The following ZDHHC4 variants were observed in gnomAD, a reference collection of about 807,000 sequenced individuals.
ZDHHC4 encodes the protein zDHHC palmitoyltransferase 4.
A neutral mutation model predicts 36.7 loss-of-function variants in ZDHHC4; 42 were observed. The observed-to-expected ratio is 1.14, with a 90% CI of 0.89 to 1.48. The LOEUF (loss-of-function observed/expected upper bound fraction) is 1.48, where lower values mean the gene tolerates loss of function less well. ZDHHC4 is among the 40% of genes most tolerant of loss of function. The probability of loss-of-function intolerance (pLI) is 0.00; values close to 1 mark genes in which losing one functional copy is unlikely to be tolerated. For synonymous variants in ZDHHC4, 189 were observed against 166.6 expected (o/e 1.13, Z -1.03); for missense variants, 457 against 421.5 (o/e 1.08, Z -0.74).
At chr7:6,584,716 G>A (rs1439425668) in intron 6 of ZDHHC4, among the ~76,000 whole-genome samples, 1 of 152,080 alleles carries the variant, frequency 6.6e-6, no homozygotes, top group Non-Finnish European at 1.5e-5. Flanking sequence ...TCACTGCAGC[G>A]TTGACCTCCT....
At position 6,588,873 on chromosome 7, in the gene ZDHHC4, C is replaced by T. The variant is rs1400931594; in HGVS notation, c.998C>T (p.Pro333Leu). 1.9e-6 allele frequency: 3 copies of T among 1,610,422 alleles called. No homozygotes were observed. The highest frequency in any genetic ancestry group is 2.2e-5 in the East Asian group (1 of 44,716). The change falls in exon 8 of 8, where the codon CCT (proline) becomes CTT (leucine). Residue 333 changes from proline to leucine, a missense_variant. Physicochemically the swap from Pro to Leu is moderately conservative, Grantham distance 98. Coordinates refer to ENST00000335965, the MANE Select transcript of ZDHHC4 (RefSeq NM_001134389.2). The part of the protein sequence containing the change: ...LRSNLQEIFL[P>L]AFPCHERKKQ... Reference sequence around the variant, plus strand: ...AGCAACCTTCAAGAGATCTTTCTACCTGCCTTTCCATGTCATGAGAGGAAG... The same window carrying T: ...AGCAACCTTCAAGAGATCTTTCTACTTGCCTTTCCATGTCATGAGAGGAAG...
At chr7:6,586,279 C>T (rs1267599211) in intron 7 of ZDHHC4, among the ~76,000 whole-genome samples, 1 of 152,184 alleles carries the variant, frequency 6.6e-6, no homozygotes, top group Non-Finnish European at 1.5e-5. Context: ...AACATTTCAT[C>T]ATCCCCAAAA....
chr7:6,586,134 C>T (rs1370923232), intron 7 of ZDHHC4, among the ~76,000 whole-genome samples: 2 of 148,290 alleles, frequency 1.3e-5, no homozygotes, highest in Non-Finnish European at 3.0e-5. Flanking sequence ...GCCTGGGCAA[C>T]AAGAGCGAAA....
In ZDHHC4 at chr7:6,584,865, C is replaced by G. The variant is rs150436602; in HGVS notation, c.497-151C>G. 1,803 of 1,172,334 alleles carry G rather than the reference C, an allele frequency of 1.5e-3. 36 individuals are homozygous for G. In the Admixed American group the frequency reaches 0.031, roughly 20 times the overall value. 72.6% of individuals were successfully genotyped at this position (1,172,334 alleles called of 1,614,324 possible). A position where few individuals can be genotyped will look rare whatever the true frequency, so the allele number is the denominator to read the frequency against. On this transcript the variant is annotated intron_variant, in intron 6 of 7. Coordinates refer to ENST00000335965, the MANE Select transcript of ZDHHC4 (RefSeq NM_001134389.2). ...GGCTGGTTGCTCCTGTACTGGACAC[C>G]ACAGTTCCAAAAGCTTAGTTTGGAA...
Position 6,585,014 on chromosome 7 carries a change from A to T in ZDHHC4, c.497-2A>T. Reference sequence around the variant, plus strand: ...AGCACGTGCCCCCTTGTTTCTGTGCAGGTGTGTGTAACTGGTGTGTGCACC... The same window carrying T: ...AGCACGTGCCCCCTTGTTTCTGTGCTGGTGTGTGTAACTGGTGTGTGCACC... On this transcript the variant is annotated splice_acceptor_variant, in intron 6 of 7. Transcript: ENST00000335965. LOFTEE classifies it high-confidence loss of function. 1 of 1,614,090 alleles carries T rather than the reference A, an allele frequency of 6.2e-7. No homozygotes were observed. Among genetic ancestry groups the T allele is most frequent in the Non-Finnish European group, 8.5e-7 (1 of 1,179,972 alleles).
In ZDHHC4 at chr7:6,589,147, G is replaced by A; in HGVS notation, c.*237G>A. Reference sequence around the variant, plus strand: ...GGGATCAAGAGATGACTTCTCAGAGGTTCTAGGTGATGCTGAGACCTTGGT... The same window carrying A: ...GGGATCAAGAGATGACTTCTCAGAGATTCTAGGTGATGCTGAGACCTTGGT... On this transcript the variant is annotated 3_prime_UTR_variant, in exon 8 of 8. Transcript: ENST00000335965. 5.7e-6 allele frequency: 3 copies of A among 522,872 alleles called. No homozygotes were observed. The highest frequency in any genetic ancestry group is 1.0e-5 in the Non-Finnish European group (3 of 291,070). 32.4% of individuals were successfully genotyped at this position (522,872 alleles called of 1,614,324 possible).
chr7:6,584,392 A>G (rs1781079220), intron 6 of ZDHHC4: 1 of 152,296 alleles, frequency 6.6e-6, no homozygotes, highest in African/African-American at 2.4e-5. Context: ...GTTTTCCAAT[A>G]TCTGAATTCG....
chr7:6,581,763 C>T, intron 4 of ZDHHC4, 83 bp downstream of exon 4: 2 of 1,178,500 alleles, frequency 1.7e-6, no homozygotes, highest in Non-Finnish European at 2.4e-6. Context: ...TCAGGAAGCT[C>T]CTTGTGGTTT....
chr7:6,581,933 G>A, intron 4 of ZDHHC4, 140 bp from the exon 5 acceptor site: 8 of 912,050 alleles, frequency 8.8e-6, no homozygotes, highest in Non-Finnish European at 1.3e-5. Context: ...CATGCAAAAT[G>A]TTTCACATAG....
Position 6,582,159 on chromosome 7 carries a change from A to T in ZDHHC4, c.278A>T (p.Glu93Val). The T allele has an allele frequency of 6.2e-7, 1 of 1,614,182 alleles. No homozygotes were observed. The highest frequency in any genetic ancestry group is 8.5e-7 in the Non-Finnish European group (1 of 1,180,030). ...YTWEVFGYCQ[E>V]LELSLHYLLL... The stretch of plus-strand genomic sequence containing the variant: ...TGGGAAGTATTTGGCTACTGTCAGG[A>T]GCTGGAGTTGTCCTTGCATTACCTT... The change falls in exon 5 of 8, where the codon GAG (glutamate) becomes GTG (valine). Residue 93 changes from glutamate (E) to valine (V), a missense_variant. By Grantham distance (121) the Glu-to-Val change is moderately radical. Coordinates refer to ENST00000335965, the MANE Select transcript of ZDHHC4 (RefSeq NM_001134389.2).
chr7:6,585,762 C>T (rs1781199272), intron 7 of ZDHHC4, among the ~76,000 whole-genome samples: 2 of 152,036 alleles, frequency 1.3e-5, no homozygotes, highest in African/African-American at 2.4e-5. Flanking sequence ...GCTGAGATTG[C>T]ACCACTGCAC....
At chr7:6,584,557 T>C (rs1277480251) in intron 6 of ZDHHC4, among the ~76,000 whole-genome samples, 1 of 152,230 alleles carries the variant, frequency 6.6e-6, no homozygotes, top group Non-Finnish European at 1.5e-5. Context: ...TGCCTCCATA[T>C]TCACACTGAA....
chr7:6,586,143 AAG>A, intron 7 of ZDHHC4, among the ~76,000 whole-genome samples: 1 of 152,176 alleles, frequency 6.6e-6, no homozygotes, highest in Middle Eastern at 3.4e-3. Flanking sequence ...ACAAGAGCGA[AAG>A]AGAGAAACTC....
At chr7:6,584,343 A>G (rs530242254) in intron 6 of ZDHHC4, 129 of 152,362 alleles carry the variant, frequency 8.5e-4, no homozygotes, top group African/African-American at 2.5e-3. Context: ...TTGAAAAAGT[A>G]GGCTTACATG....
intron 5 of ZDHHC4, among the ~76,000 whole-genome samples, chr7:6,582,912 A>G (rs1271774173): frequency 6.6e-6 from 1 of 152,102 alleles, no homozygotes; most frequent in East Asian, 1.9e-4. Context: ...GGTGGCTCAC[A>G]CAATCTCAGC....
chr7:6,579,387 G>C (rs62441299), intron 2 of ZDHHC4, among the ~76,000 whole-genome samples: 2,224 of 151,970 alleles, frequency 0.015, 50 homozygotes, highest in Non-Finnish European at 0.014. Flanking sequence ...TTTTAGTATA[G>C]ATGGGGATTA....
chr7:6,581,749 A>G, intron 4 of ZDHHC4, 69 bp downstream of exon 4: 1 of 1,257,866 alleles, frequency 7.9e-7, no homozygotes, highest in Non-Finnish European at 1.1e-6. Context: ...GAGATCCTCT[A>G]GCTTCAGGAA....
chr7:6,583,496 G>C lies in ZDHHC4; in HGVS notation c.496+65G>C, dbSNP rs553314317. On this transcript the variant is annotated intron_variant, in intron 6 of 7. Transcript: ENST00000335965. ...GCACATGTGTGGGCTTCGTCTGTGA[G>C]GGAATGTTTCCTGAATCCGAAAGCA... 7 of 1,554,240 alleles carry C rather than the reference G, an allele frequency of 4.5e-6. No homozygotes were observed. In the South Asian group the frequency reaches 8.5e-5, roughly 19 times the overall value.
chr7:6,587,303 GGGGTTTT>G (rs1383154951), intron 7 of ZDHHC4, among the ~76,000 whole-genome samples: 1 of 152,068 alleles, frequency 6.6e-6, no homozygotes, highest in Non-Finnish European at 1.5e-5. Context: ...TCTTGGGAAT[GGGGTTTT>G]GGGTTTTTTG....
Sources: allele counts gnomAD v4.1 joint callset (sites outside exome capture counted in the v4.1 genomes callset), GRCh38; gene constraint gnomAD v4.1.1; transcripts MANE v1.5; gene names NCBI Gene and HGNC (gene_info 2026-07-23, HGNC 2026-07-21).